The following CDH22 variants were observed in gnomAD, a reference collection of about 807,000 sequenced individuals.
The protein encoded by CDH22 is cadherin 22.
CDH22 carries 30 observed loss-of-function variants against 58.4 expected under a neutral mutation model. The observed-to-expected ratio is 0.51, with a 90% CI of 0.38 to 0.70. CDH22 has a LOEUF of 0.70. Among genes scored for constraint, CDH22 ranks in the 30% least tolerant of loss-of-function variants. The pLI is 0.00. For missense variants in CDH22, 1,014 were observed against 1,233.9 expected, an observed-to-expected ratio of 0.82 and a Z score of 2.67; for synonymous variants, 513 against 558.2, an observed-to-expected ratio of 0.92 and a Z score of 1.14.
At chr20:46,211,814 T>C (rs990745620) in intron 6 of CDH22, among the ~76,000 whole-genome samples, 48 of 151,842 alleles carry the variant, frequency 3.2e-4, no homozygotes, top group African/African-American at 1.1e-3. Context: ...AGGGAGATTC[T>C]AGAGCTGGAC....
At chr20:46,194,668 A>C (rs1287655465) in intron 8 of CDH22, among the ~76,000 whole-genome samples, 2 of 152,222 alleles carry the variant, frequency 1.3e-5, no homozygotes, top group Non-Finnish European at 2.9e-5. Flanking sequence ...TTTATGTTTT[A>C]TAGAAAGCAC....
At chr20:46,305,214 C>T (rs913944295) in intron 1 of CDH22, among the ~76,000 whole-genome samples, 1 of 152,266 alleles carries the variant, frequency 6.6e-6, no homozygotes, top group Non-Finnish European at 1.5e-5. Flanking sequence ...ACAGTCCTAT[C>T]ATGCCCACTG....
chr20:46,196,173 C>T (rs2085900684), intron 8 of CDH22, among the ~76,000 whole-genome samples: 1 of 152,212 alleles, frequency 6.6e-6, no homozygotes, highest in Admixed American at 6.5e-5. Flanking sequence ...GGGGCCATCC[C>T]TGTTCTTCCC....
At chr20:46,296,753 A>G (rs911987091) in intron 1 of CDH22, among the ~76,000 whole-genome samples, 2 of 152,194 alleles carry the variant, frequency 1.3e-5, no homozygotes, top group Admixed American at 6.5e-5. Flanking sequence ...CTGTCTTAGG[A>G]GCCTCTTTCC....
Position 46,251,205 on chromosome 20 carries a change from C to A in CDH22, c.90G>T (p.Pro30=). The change falls in exon 2 of 12, where the codon CCG becomes CCT. Residue 30 remains proline (P), a synonymous_variant. Coordinates refer to ENST00000537909, the MANE Select transcript of CDH22 (RefSeq NM_021248.3). The surrounding 1 kb of genome is among the most constrained non-coding windows in gnomAD (Gnocchi z 6.7). ...LLLLLLLPPP[P]TLLGRLWAAG... The stretch of plus-strand genomic sequence containing the variant: ...CTGCCCACAGGCGCCCCAGCAGCGT[C>A]GGCGGCGGCGGCAGCAGCAGCAGCA... 1.4e-6 allele frequency: 2 copies of A among 1,461,956 alleles called. No individual in the cohort carries two copies. 90.6% of individuals were successfully genotyped at this position (1,461,956 alleles called of 1,614,324 possible). A position where few individuals can be genotyped will look rare whatever the true frequency, so the allele number is the denominator to read the frequency against.
At chr20:46,267,881 G>GA (rs1409596919) in intron 1 of CDH22, among the ~76,000 whole-genome samples, 2 of 152,256 alleles carry the variant, frequency 1.3e-5, no homozygotes, top group Admixed American at 6.5e-5. Context: ...TTCACTGGGG[G>GA]AGAGTTCTCA....
At chr20:46,245,770 C>T (rs1219056781) in intron 2 of CDH22, among the ~76,000 whole-genome samples, 3 of 152,168 alleles carry the variant, frequency 2.0e-5, no homozygotes, top group Non-Finnish European at 2.9e-5. Context: ...TCGCTGGGAA[C>T]CTGAAACACT....
Position 46,210,420 on chromosome 20 carries a change from G to C in CDH22, c.1173C>G (p.Pro391=). ...GGCCGGAGGGCGGCCGGAACTCGGG[G>C]GGCTCGTCCACGTCGGTCACGGCCA... ...VRVAVTDVDE[P]PEFRPPSGLL... is the part of the protein sequence containing the mutation. Residue 391 remains proline (P), a synonymous_variant, in exon 7 of 12, where the codon CCC becomes CCG. Coordinates refer to ENST00000537909, the MANE Select transcript of CDH22 (RefSeq NM_021248.3). The surrounding 1 kb of genome is among the most constrained non-coding windows in gnomAD (Gnocchi z 4.5). 1 of 1,458,614 alleles carries C rather than the reference G, an allele frequency of 6.9e-7. No homozygotes were observed. The highest frequency in any genetic ancestry group is 1.5e-5 in the African/African-American group (1 of 67,644). 90.4% of individuals were successfully genotyped at this position (1,458,614 alleles called of 1,614,324 possible). A position where few individuals can be genotyped will look rare whatever the true frequency, so the allele number is the denominator to read the frequency against.
chr20:46,221,532 G>T (rs1269160347), intron 4 of CDH22, among the ~76,000 whole-genome samples: 2 of 152,122 alleles, frequency 1.3e-5, no homozygotes, highest in Non-Finnish European at 2.9e-5. Context: ...CTGTGTTCCA[G>T]GACAGTAAAC....
chr20:46,264,890 C>A (rs186619079), intron 1 of CDH22, among the ~76,000 whole-genome samples: 1 of 149,370 alleles, frequency 6.7e-6, no homozygotes, highest in Non-Finnish European at 1.5e-5. Flanking sequence ...ACACACCGTG[C>A]GCGCACACAC....
intron 10 of CDH22, among the ~76,000 whole-genome samples, chr20:46,180,756 C>G (rs528701326): frequency 3.1e-4 from 47 of 151,846 alleles, no homozygotes; most frequent in Non-Finnish European, 4.9e-4. Context: ...TTTCTTGAGA[C>G]AAGGTCTCAC....
rs1334986687 is a variant in CDH22 at position 46,226,285 on chromosome 20, TC to T, written c.670+1222del. ...TTCTTCTTCTTCTTCTTCTTCTTCT[TC>T]TTCTTCTTTTTTTTTTTGAGACAGG... On this transcript the variant is annotated intron_variant, in intron 4 of 11. Transcript: ENST00000537909. Among the ~76,000 whole-genome samples, 11 of 3,610 alleles carry T rather than the reference TC, an allele frequency of 3.0e-3. 1 individual carries two copies. The highest frequency in any genetic ancestry group is 0.011 in the African/African-American group (11 of 1,044). The allele number at this position is 3,610 out of a possible 152,430, so 2.4% of individuals were successfully genotyped here.
intron 1 of CDH22, among the ~76,000 whole-genome samples, chr20:46,283,972 G>A (rs1218507213): frequency 6.6e-6 from 1 of 152,184 alleles, no homozygotes; most frequent in African/African-American, 2.4e-5. Context: ...GGAAAGGTGG[G>A]AGAATGAAGG....
At chr20:46,181,279 AAGAGCACATAAC>A (rs1477832342) in intron 10 of CDH22, among the ~76,000 whole-genome samples, 9 of 152,186 alleles carry the variant, frequency 5.9e-5, no homozygotes, top group Non-Finnish European at 1.0e-4. Context: ...AGAATATAGG[AAGAGCACATAAC>A]AGAGCACCTG....
intron 8 of CDH22, among the ~76,000 whole-genome samples, chr20:46,194,973 G>A (rs1055507915): frequency 4.6e-5 from 7 of 152,070 alleles, no homozygotes; most frequent in African/African-American, 1.4e-4. Flanking sequence ...CAGGTGATCC[G>A]CCTGCCTCGG....
intron 3 of CDH22, among the ~76,000 whole-genome samples, chr20:46,233,272 T>C (rs1317184260): frequency 6.6e-6 from 1 of 152,126 alleles, no homozygotes; most frequent in African/African-American, 2.4e-5. Flanking sequence ...TCCTTATGGA[T>C]CCCGGCCATG....
chr20:46,253,187 T>C (rs2086389254), intron 1 of CDH22, among the ~76,000 whole-genome samples: 1 of 152,230 alleles, frequency 6.6e-6, no homozygotes, highest in Non-Finnish European at 1.5e-5. Flanking sequence ...CAGTGGGCAA[T>C]GCCCTTCCCT....
Position 46,178,163 on chromosome 20 carries a change from G to A in CDH22, c.1698C>T (p.Gly566=). 6.2e-7 allele frequency: 1 copy of A among 1,614,026 alleles called. No individual in the cohort carries two copies. The highest frequency in any genetic ancestry group is 8.5e-7 in the Non-Finnish European group (1 of 1,179,980). The change falls in exon 11 of 12, where the codon GGC becomes GGT. Residue 566 remains glycine, a synonymous_variant. Coordinates refer to ENST00000537909, the MANE Select transcript of CDH22 (RefSeq NM_021248.3). The part of the protein sequence containing the change: ...NTAAVHTQHV[G]FNRQEQDVFF... ...ACACGTCCTGCTCCTGCCGGTTGAA[G>A]CCCACGTGCTGCGTGTGCACTGCAG...
chr20:46,210,287 G>A lies in CDH22; in HGVS notation c.1286+20C>T. ...GCGGGATAGCAGGCAGCAGGCGTCG[G>A]CCCCGGGCGGGGGTCTCACCGGACG... On this transcript the variant is annotated intron_variant, in intron 7 of 11. Coordinates refer to ENST00000537909, the MANE Select transcript of CDH22 (RefSeq NM_021248.3). The surrounding 1 kb of genome is among the most constrained non-coding windows in gnomAD (Gnocchi z 4.5). The A allele has an allele frequency of 1.4e-6, 2 of 1,388,368 alleles. No homozygotes were observed. The highest frequency in any genetic ancestry group is 1.5e-5 in the African/African-American group (1 of 65,756). 86.0% of individuals were successfully genotyped at this position (1,388,368 alleles called of 1,614,324 possible). A position where few individuals can be genotyped will look rare whatever the true frequency, so the allele number is the denominator to read the frequency against.
Sources: gnomAD v4.1 joint callset for allele counts (sites outside exome capture counted in the v4.1 genomes callset) on GRCh38, gnomAD v4.1.1 for gene constraint, Gnocchi (gnomAD v3.1) non-coding constraint, MANE v1.5 for transcripts, NCBI Gene and HGNC (gene_info 2026-07-23, HGNC 2026-07-21) for gene names.